ZC3H12B: variants seen among roughly 807,000 people sequenced by gnomAD.
ZC3H12B encodes the protein zinc finger CCCH-type containing 12B, also known as probable ribonuclease ZC3H12B.
A neutral mutation model predicts 43.9 loss-of-function variants in ZC3H12B; 7 were observed. The observed-to-expected ratio is 0.16, with a 90% CI of 0.09 to 0.30. The LOEUF is 0.30. Ranked by LOEUF, ZC3H12B falls within the 10% of genes least tolerant of loss-of-function variation. ZC3H12B has a pLI of 1.00. For missense variants in ZC3H12B, 475 were observed against 670.2 expected (o/e 0.71, Z 3.22); for synonymous variants, 222 against 241.7 (o/e 0.92, Z 0.76).
the ZC3H12B span, among the ~76,000 whole-genome samples, chrX:65,289,677 G>A: frequency 9.1e-6 from 1 of 110,055 alleles, no homozygotes; most frequent in Non-Finnish European, 1.9e-5. Flanking sequence ...AGAGAATCAA[G>A]AAATAAATTC....
At chrX:65,169,942 G>A in the ZC3H12B span, among the ~76,000 whole-genome samples, 3 of 111,612 alleles carry the variant, frequency 2.7e-5, no homozygotes, top group Non-Finnish European at 3.8e-5. Context: ...CACACGAGAC[G>A]GGTCTCCTGA....
chrX:65,212,142 AT>A, the ZC3H12B span, among the ~76,000 whole-genome samples: 4 of 55,177 alleles, frequency 7.2e-5, no homozygotes, highest in African/African-American at 2.3e-4. Context: ...TATATATTAT[AT>A]TAACATTATA....
At chrX:65,409,594 AC>A (rs1185718474) in intron 3 of ZC3H12B, among the ~76,000 whole-genome samples, 4 of 109,978 alleles carry the variant, frequency 3.6e-5, no homozygotes, top group African/African-American at 1.3e-4. Context: ...ACACACACAC[AC>A]ACAATTAGAA....
At chrX:65,391,556 G>A (rs1161208468) in intron 2 of ZC3H12B, among the ~76,000 whole-genome samples, 4 of 111,416 alleles carry the variant, frequency 3.6e-5, no homozygotes. Context: ...GGGATATGGG[G>A]CCCAACAGGA....
chrX:65,304,367 A>C, the ZC3H12B span, among the ~76,000 whole-genome samples: 35 of 112,024 alleles, frequency 3.1e-4, no homozygotes, highest in African/African-American at 1.1e-3. Flanking sequence ...CTGTAATCCT[A>C]GCACTTTGGG....
intron 3 of ZC3H12B, among the ~76,000 whole-genome samples, chrX:65,415,454 G>T (rs2066948640): frequency 8.9e-6 from 1 of 112,255 alleles, no homozygotes; most frequent in African/African-American, 3.2e-5. Context: ...TTTATTTCAG[G>T]GCCTGCTATC....
chrX:65,435,251 A>T (rs979606302), intron 3 of ZC3H12B, among the ~76,000 whole-genome samples: 1 of 112,024 alleles, frequency 8.9e-6, no homozygotes, highest in Non-Finnish European at 1.9e-5. Context: ...CTAGGAATTT[A>T]AATCCCTGAG....
the ZC3H12B span, among the ~76,000 whole-genome samples, chrX:65,189,567 A>G: frequency 3.7e-5 from 4 of 107,035 alleles, no homozygotes; most frequent in Admixed American, 1.0e-4. Flanking sequence ...GCATTTTTTC[A>G]TGTGTTTTTT....
chrX:65,482,796 T>C (rs2068079496), intron 3 of ZC3H12B, among the ~76,000 whole-genome samples: 1 of 112,082 alleles, frequency 8.9e-6, no homozygotes, highest in African/African-American at 3.2e-5. Flanking sequence ...CTGTGGAAGG[T>C]AGCAGAAAAA....
chrX:65,409,775 C>A (rs2148064761), intron 3 of ZC3H12B, among the ~76,000 whole-genome samples: 1 of 111,016 alleles, frequency 9.0e-6, no homozygotes, highest in Admixed American at 9.6e-5. Context: ...CAAAAGATTT[C>A]TCAAAAATTA....
chrX:65,184,308 G>A, the ZC3H12B span, among the ~76,000 whole-genome samples: 6 of 110,891 alleles, frequency 5.4e-5, no homozygotes, highest in Non-Finnish European at 9.4e-5. Context: ...AGCAACATTA[G>A]CAAACTCATG....
At chrX:65,249,898 G>A in the ZC3H12B span, among the ~76,000 whole-genome samples, 5 of 95,633 alleles carry the variant, frequency 5.2e-5, no homozygotes, top group Non-Finnish European at 1.0e-4. Flanking sequence ...AGCTACTTTT[G>A]TGTACATTAG....
the ZC3H12B span, among the ~76,000 whole-genome samples, chrX:65,075,280 A>C: frequency 6.2e-5 from 7 of 112,445 alleles, no homozygotes; most frequent in African/African-American, 2.3e-4. Context: ...TAATCTAGTA[A>C]AATAATTGAA....
chrX:65,110,082 G>A, the ZC3H12B span, among the ~76,000 whole-genome samples: 2 of 110,653 alleles, frequency 1.8e-5, no homozygotes, highest in Non-Finnish European at 3.8e-5. Flanking sequence ...TTTTATGTGC[G>A]TGTTTGCCAT....
chrX:65,507,566 G>A (rs761477098), exon 5 of ZC3H12B: 2 of 111,950 alleles, frequency 1.8e-5, no homozygotes, highest in East Asian at 5.6e-4. Flanking sequence ...CCATTTGTGG[G>A]ATTAAACAAT....
At chrX:65,347,606 G>A in the ZC3H12B span, among the ~76,000 whole-genome samples, 8 of 112,103 alleles carry the variant, frequency 7.1e-5, no homozygotes, top group East Asian at 2.8e-4. Flanking sequence ...GAGAGGATGT[G>A]GAGAAATAGG....
chrX:65,203,024 C>T, the ZC3H12B span, among the ~76,000 whole-genome samples: 4 of 111,086 alleles, frequency 3.6e-5, no homozygotes, highest in South Asian at 7.6e-4. Context: ...CACCACTGCC[C>T]CAGGACCATG....
chrX:65,108,902 A>C, the ZC3H12B span, among the ~76,000 whole-genome samples: 2 of 111,390 alleles, frequency 1.8e-5, no homozygotes, highest in Non-Finnish European at 3.8e-5. Flanking sequence ...TTTCAGCTCT[A>C]TCATAATTTT....
the ZC3H12B span, among the ~76,000 whole-genome samples, chrX:65,072,358 C>T: frequency 1.4e-4 from 16 of 112,342 alleles, no homozygotes; most frequent in African/African-American, 4.5e-4. Context: ...TGTAACATTA[C>T]AGTCCACATT....
Sources: gnomAD v4.1 joint callset for allele counts (sites outside exome capture counted in the v4.1 genomes callset) on GRCh38, gnomAD v4.1.1 for gene constraint, MANE v1.5 for transcripts, NCBI Gene and HGNC (gene_info 2026-07-23, HGNC 2026-07-21) for gene names.